The following ROBO2 variants were observed in gnomAD, a reference collection of about 807,000 sequenced individuals.
ROBO2 encodes the protein roundabout homolog 2.
In ROBO2, 53 loss-of-function variants were observed where a neutral mutation model predicts 160.8. That is an observed-to-expected ratio of 0.33 (90% CI 0.26 to 0.41). ROBO2 has a LOEUF of 0.41. Ranked by LOEUF, ROBO2 falls within the 10% of genes least tolerant of loss-of-function variation. The pLI is 1.00. For missense variants in ROBO2, 1,577 were observed against 1,722.4 expected (o/e 0.92, Z 1.49); for synonymous variants, 664 against 611.7 (o/e 1.09, Z -1.26).
chr3:77,458,168 G>A (rs528980319), intron 2 of ROBO2, among the ~76,000 whole-genome samples: 7 of 152,278 alleles, frequency 4.6e-5, no homozygotes, highest in African/African-American at 1.7e-4. Flanking sequence ...TGGCATAGCT[G>A]TTAAGCAACA....
At chr3:76,410,728 T>C (rs1269924593) in intron 2 of ROBO2, among the ~76,000 whole-genome samples, 1 of 152,190 alleles carries the variant, frequency 6.6e-6, no homozygotes, top group Non-Finnish European at 1.5e-5. Context: ...CCTAAAAGAA[T>C]GTCAGCTCTA....
chr3:77,632,746 G>A (rs1004625467), intron 23 of ROBO2: 3 of 1,192,248 alleles, frequency 2.5e-6, no homozygotes, highest in Admixed American at 5.3e-5. Flanking sequence ...TCCTTAGTGA[G>A]TCTGACTGTA....
intron 1 of ROBO2, among the ~76,000 whole-genome samples, chr3:77,049,619 T>C (rs1485737353): frequency 1.3e-5 from 2 of 152,206 alleles, no homozygotes; most frequent in Non-Finnish European, 2.9e-5. Flanking sequence ...ATGTGCTTAG[T>C]TTCTGGCCAC....
intron 2 of ROBO2, among the ~76,000 whole-genome samples, chr3:77,231,610 A>G (rs371213206): frequency 7.1e-6 from 1 of 140,276 alleles, no homozygotes; most frequent in Non-Finnish European, 1.6e-5. Flanking sequence ...TAAGTTCTTA[A>G]TACATTACAT....
Position 76,805,490 on chromosome 3 carries a change from C to CAT in ROBO2, c.110-292512_110-292511dup, listed in dbSNP as rs149575207. ...TTGTTCTAGAAATATATGTTCCCCC[C>CAT]ATATATATATATACACACACACATA... is the stretch of plus-strand genomic sequence containing the variant. On this transcript the variant is annotated intron_variant, in intron 2 of 26. Coordinates refer to the ROBO2 transcript ENST00000487694. Among the ~76,000 whole-genome samples the CAT allele has an allele frequency of 8.9e-3, 1,338 of 150,534 alleles. 21 individuals carry two copies. The highest frequency in any genetic ancestry group is 0.03 in the African/African-American group (1,228 of 41,126).
intron 2 of ROBO2, among the ~76,000 whole-genome samples, chr3:77,000,202 G>A (rs895137784): frequency 5.9e-5 from 9 of 152,110 alleles, no homozygotes; most frequent in Admixed American, 2.0e-4. Context: ...AAGTTATTTC[G>A]CTCATGTGCT....
chr3:76,478,552 A>G (rs2079051811), intron 2 of ROBO2, among the ~76,000 whole-genome samples: 1 of 152,042 alleles, frequency 6.6e-6, no homozygotes, highest in South Asian at 2.1e-4. Flanking sequence ...GCTACTTCTA[A>G]ATGGACTAGC....
At chr3:77,622,500 A>G (rs773880067) in intron 23 of ROBO2, 68 bp downstream of exon 24, 66 of 1,266,836 alleles carry the variant, frequency 5.2e-5, no homozygotes, top group Non-Finnish European at 6.6e-5. Context: ...AAAGTCAACT[A>G]CTTCCTTATT....
chr3:76,489,614 T>A (rs2079702863), intron 2 of ROBO2, among the ~76,000 whole-genome samples: 1 of 152,192 alleles, frequency 6.6e-6, no homozygotes, highest in African/African-American at 2.4e-5. Flanking sequence ...AATTATTTTA[T>A]TTATAACTTC....
chr3:77,222,426 G>A (rs1018919616), intron 2 of ROBO2, among the ~76,000 whole-genome samples: 2 of 152,142 alleles, frequency 1.3e-5, no homozygotes, highest in Non-Finnish European at 2.9e-5. Flanking sequence ...GATTTTCAAA[G>A]TCAGAAGAAC....
exon 26 of ROBO2, chr3:77,647,099 G>C (rs552963864): frequency 6.6e-6 from 1 of 152,570 alleles, no homozygotes; most frequent in African/African-American, 2.4e-5. Context: ...TATTATTAGG[G>C]CATACTCGGG....
At chr3:76,489,606 T>A (rs959096105) in intron 2 of ROBO2, among the ~76,000 whole-genome samples, 1 of 152,270 alleles carries the variant, frequency 6.6e-6, no homozygotes, top group African/African-American at 2.4e-5. Context: ...AATTAAAAAA[T>A]TATTTTATTT....
intron 5 of ROBO2, among the ~76,000 whole-genome samples, chr3:77,502,815 A>G (rs1376479010): frequency 1.3e-5 from 2 of 152,200 alleles, no homozygotes; most frequent in African/African-American, 2.4e-5. Context: ...TATTTTATAT[A>G]AAGGATTTGG....
intron 2 of ROBO2, among the ~76,000 whole-genome samples, chr3:76,086,305 G>C (rs112871309): frequency 0.026 from 3,903 of 152,162 alleles, 165 homozygotes; most frequent in African/African-American, 0.088. Flanking sequence ...ACTACCATGA[G>C]AACAGCATGG....
rs1333751060 is a variant in ROBO2, at chr3:77,622,384, G to A, written c.3712G>A (p.Asp1238Asn). The change falls in exon 23 of 26, where the codon GAC (aspartate) becomes AAC (asparagine). Residue 1238 changes from aspartate to asparagine, a missense_variant. Around this residue, in one of 2 missense-constraint regions of ROBO2, gnomAD observed 637 missense variants for 586.9 expected, o/e 1.09. Coordinates refer to ENST00000461745, the Ensembl canonical transcript of ROBO2. ...AATCCCCAGGCCCCTGAGAGCACTG[G>A]ACCAGACTCCTGGATCCAGCATGGA... 1.2e-6 allele frequency: 2 copies of A among 1,613,908 alleles called. No individual in the cohort carries two copies. Among genetic ancestry groups the A allele is most frequent in the Non-Finnish European group, 1.7e-6 (2 of 1,180,014 alleles).
At chr3:76,594,476 GTC>G (rs2086617213) in intron 2 of ROBO2, among the ~76,000 whole-genome samples, 1 of 151,970 alleles carries the variant, frequency 6.6e-6, no homozygotes, top group Non-Finnish European at 1.5e-5. Context: ...CTGTTCTTAA[GTC>G]TCTATAAATG....
intron 2 of ROBO2, among the ~76,000 whole-genome samples, chr3:76,447,079 G>A (rs1173990765): frequency 3.3e-5 from 5 of 152,106 alleles, no homozygotes; most frequent in Non-Finnish European, 7.4e-5. Context: ...CACAGCAAAA[G>A]AAACTATCAT....
intron 2 of ROBO2, among the ~76,000 whole-genome samples, chr3:76,719,575 C>T (rs2107696471): frequency 6.6e-6 from 1 of 152,274 alleles, no homozygotes; most frequent in East Asian, 1.9e-4. Flanking sequence ...TTGTTGTTAA[C>T]AATTTTTTGT....
chr3:77,081,173 G>GA (rs1479920918), intron 1 of ROBO2, among the ~76,000 whole-genome samples: 1 of 152,098 alleles, frequency 6.6e-6, no homozygotes, highest in Non-Finnish European at 1.5e-5. Flanking sequence ...GATTGTTATA[G>GA]AAAAAAAGTT....
Sources: gnomAD v4.1 joint callset for allele counts (sites outside exome capture counted in the v4.1 genomes callset) on GRCh38, gnomAD v4.1.1 for gene constraint, gnomAD v4.1.1 regional missense constraint, MANE v1.5 for transcripts, NCBI Gene and HGNC (gene_info 2026-07-23, HGNC 2026-07-21) for gene names.